Variants in RRP7A observed in about 807,000 individuals in gnomAD.
RRP7A encodes the protein ribosomal RNA-processing protein 7 homolog A.
Under a neutral mutation model 38.4 loss-of-function variants are expected in RRP7A, and 27 were observed. That is an observed-to-expected ratio of 0.70 (90% CI 0.52 to 0.97). The LOEUF (loss-of-function observed/expected upper bound fraction) is 0.97. Ranked by LOEUF, RRP7A falls within the 50% of genes least tolerant of loss-of-function variation. RRP7A has a pLI of 0.00. For missense variants in RRP7A, 327 were observed against 375.4 expected (o/e 0.87, Z 1.07); for synonymous variants, 124 against 150.3 (o/e 0.83, Z 1.28).
In RRP7A at chr22:42,509,879, G is replaced by C. The variant is rs1932398433; in HGVS notation, c.*3031C>G. The C allele has an allele frequency of 1.3e-5, 2 of 151,156 alleles. No homozygotes were observed. The highest frequency in any genetic ancestry group is 1.3e-4 in the Admixed American group (2 of 15,100). The allele number at this position is 151,156 out of a possible 1,614,324, so 9.4% of individuals were successfully genotyped here. ...TGTGTGTGTGTGTGTAAGCTCAGAG[G>C]TTTGCGATTTCTTTGGGGGTGATGA... On this transcript the variant is annotated 3_prime_UTR_variant, in exon 7 of 7. Transcript: ENST00000323013.
chr22:42,508,853 A>T lies in RRP7A; in HGVS notation c.*4057T>A, dbSNP rs1474880730. On this transcript the variant is annotated 3_prime_UTR_variant, in exon 7 of 7. Transcript: ENST00000323013. ...TTGGAGAGGGCAGGAGTCTCTGGCC[A>T]CCAGGGGCTAAAGAGCCTTCGATGA... Among the ~76,000 whole-genome samples, 1 of 152,208 alleles carries T rather than the reference A, an allele frequency of 6.6e-6. No individual in the cohort carries two copies. The highest frequency in any genetic ancestry group is 1.5e-5 in the Non-Finnish European group (1 of 68,024).
chr22:42,517,647 G>C (rs962530419), intron 2 of RRP7A, among the ~76,000 whole-genome samples: 1 of 152,088 alleles, frequency 6.6e-6, no homozygotes, highest in African/African-American at 2.4e-5. Context: ...AGCTTCCCTA[G>C]TAGCCAGGAC....
intron 6 of RRP7A, 51 bp downstream of exon 6, chr22:42,514,055 G>C (rs541622871): frequency 1.3e-6 from 2 of 1,551,994 alleles, no homozygotes; most frequent in Middle Eastern, 1.9e-4. Flanking sequence ...GGCCTCATCC[G>C]TGGCTGGGGC....
rs1223576527 is a variant in RRP7A at position 42,512,222 on chromosome 22, C to A, written c.*688G>T. On this transcript the variant is annotated 3_prime_UTR_variant, in exon 7 of 7. Transcript: ENST00000323013. The stretch of plus-strand genomic sequence containing the variant: ...CCTTCTTACAGTGCACACACACGCT[C>A]CCAGCCCAGCTGTAGCTCTGGGCCT... 1.9e-6 allele frequency: 3 copies of A among 1,613,028 alleles called. No individual in the cohort carries two copies. The highest frequency in any genetic ancestry group is 3.3e-5 in the Admixed American group (2 of 59,968).
At position 42,509,786 on chromosome 22, in the gene RRP7A, C is replaced by T. The variant is rs567494315; in HGVS notation, c.*3124G>A. 1.4e-4 allele frequency among the ~76,000 whole-genome samples: 17 copies of T among 118,484 alleles called. No homozygotes were observed. The highest frequency in any genetic ancestry group is 3.4e-4 in the Admixed American group (3 of 8,884). 77.7% of individuals were successfully genotyped at this position (118,484 alleles called of 152,430 possible). A position where few individuals can be genotyped will look rare whatever the true frequency, so the allele number is the denominator to read the frequency against. Reference sequence around the variant, plus strand: ...CACGTTCAAGTCCAAATAGGACACACGGCAGAGACAAAGCCAGGTCATGGT... The same window carrying T: ...CACGTTCAAGTCCAAATAGGACACATGGCAGAGACAAAGCCAGGTCATGGT... On this transcript the variant is annotated 3_prime_UTR_variant, in exon 7 of 7. Coordinates refer to ENST00000323013, the MANE Select transcript of RRP7A (RefSeq NM_015703.5).
At position 42,512,334 on chromosome 22, in the gene RRP7A, A is replaced by G; in HGVS notation, c.*576T>C. 1 of 1,042,552 alleles carries G rather than the reference A, an allele frequency of 9.6e-7. No homozygotes were observed. Among genetic ancestry groups the G allele is most frequent in the Non-Finnish European group, 1.5e-6 (1 of 683,352 alleles). 64.6% of individuals were successfully genotyped at this position (1,042,552 alleles called of 1,614,324 possible). On this transcript the variant is annotated 3_prime_UTR_variant, in exon 7 of 7. Coordinates refer to ENST00000323013, the MANE Select transcript of RRP7A (RefSeq NM_015703.5). ...CAACAAGGCCAGGGATGGTGGGGAC[A>G]GGCCTCACTAGTCTTGAGGCCCAGC... is the stretch of plus-strand genomic sequence containing the variant.
chr22:42,517,668 T>C (rs1920934358), intron 2 of RRP7A, among the ~76,000 whole-genome samples: 1 of 151,674 alleles, frequency 6.6e-6, no homozygotes, highest in Non-Finnish European at 1.5e-5. Flanking sequence ...TACCCACACA[T>C]GCCATCATGC....
chr22:42,511,874 G>C lies in RRP7A; in HGVS notation c.*1036C>G, dbSNP rs1932474854. 3.5e-6 allele frequency: 2 copies of C among 565,020 alleles called. No individual in the cohort carries two copies. The highest frequency in any genetic ancestry group is 6.5e-6 in the Non-Finnish European group (2 of 309,776). The allele number at this position is 565,020 out of a possible 1,614,324, so 35.0% of individuals were successfully genotyped here. ...CTCGGCCCTGCCCTGTCCCTGCCAT[G>C]CAACTTCACAACTCAGCTGGCCTAG... On this transcript the variant is annotated 3_prime_UTR_variant, in exon 7 of 7. Coordinates refer to ENST00000323013, the MANE Select transcript of RRP7A (RefSeq NM_015703.5).
intron 1 of RRP7A, 105 bp downstream of exon 1, chr22:42,519,609 A>C (rs1601809494): frequency 9.8e-7 from 1 of 1,019,464 alleles, no homozygotes; most frequent in Non-Finnish European, 1.3e-6. Context: ...CGGGGCTCAC[A>C]CCCAACCGTG....
In RRP7A at chr22:42,508,641, G is replaced by A. The variant is rs1324082665; in HGVS notation, c.*4269C>T. Among the ~76,000 whole-genome samples the A allele has an allele frequency of 6.6e-6, 1 of 152,220 alleles. No homozygotes were observed. The highest frequency in any genetic ancestry group is 1.5e-5 in the Non-Finnish European group (1 of 68,042). The stretch of plus-strand genomic sequence containing the variant: ...CTGTCCCAGGCTGGCAGGGGACAGC[G>A]TGAGGTGCAGCCTATGGACTGGGAA... On this transcript the variant is annotated 3_prime_UTR_variant, in exon 7 of 7. Coordinates refer to ENST00000323013, the MANE Select transcript of RRP7A (RefSeq NM_015703.5).
chr22:42,511,284 C>G lies in RRP7A; in HGVS notation c.*1626G>C, dbSNP rs1361974773. 2 of 152,252 alleles carry G rather than the reference C, an allele frequency of 1.3e-5. No homozygotes were observed. The highest frequency in any genetic ancestry group is 3.9e-4 in the East Asian group (2 of 5,192). The allele number at this position is 152,252 out of a possible 1,614,324, so 9.4% of individuals were successfully genotyped here. A position where few individuals can be genotyped will look rare whatever the true frequency, so the allele number is the denominator to read the frequency against. ...CTCCACCTCCCGGGTTCAAGCGACT[C>G]TCGTGCCTCAGCCTCCTGAGTAGCT... On this transcript the variant is annotated 3_prime_UTR_variant, in exon 7 of 7. Transcript: ENST00000323013.
chr22:42,514,632 C>A (rs1212673664), intron 5 of RRP7A, 50 bp downstream of exon 5: 1 of 1,528,382 alleles, frequency 6.5e-7, no homozygotes, highest in African/African-American at 1.4e-5. Context: ...GCCACCTTCC[C>A]ACAGCCACAC....
intron 3 of RRP7A, among the ~76,000 whole-genome samples, chr22:42,515,514 GCTT>G (rs1301876276): frequency 6.6e-6 from 1 of 152,254 alleles, no homozygotes; most frequent in Non-Finnish European, 1.5e-5. Flanking sequence ...GGATACAGAG[GCTT>G]CTTTTCTTCC....
At position 42,514,234 on chromosome 22, in the gene RRP7A, C is replaced by T. The variant is rs763250124; in HGVS notation, c.629G>A (p.Gly210Asp). 3.1e-6 allele frequency: 5 copies of T among 1,606,274 alleles called. No individual in the cohort carries two copies. Among genetic ancestry groups the T allele is most frequent in the Admixed American group, 3.4e-5 (2 of 59,456 alleles). Reference protein sequence around the residue: ...EEGWVKVTRRGRRPVLPRTEA... With the variant: ...EEGWVKVTRRDRRPVLPRTEA... ...AGTCCGGGGGAGCACAGGCCGCCGG[C>T]CCCGGCGGGTCACCTTCACCCAGCC... is the stretch of plus-strand genomic sequence containing the variant. Residue 210 changes from glycine to aspartate, a missense_variant, in exon 6 of 7, where the codon GGC becomes GAC. Gly to Asp is a moderately conservative substitution (Grantham distance 94). Transcript: ENST00000323013.
chr22:42,512,366 T>G lies in RRP7A; in HGVS notation c.*544A>C. ...ACTAGTCTTGAGGCCCAGCCTAGGA[T>G]GGTAGTCAGGGGAAGGAGCGAGATT... On this transcript the variant is annotated 3_prime_UTR_variant, in exon 7 of 7. Coordinates refer to ENST00000323013, the MANE Select transcript of RRP7A (RefSeq NM_015703.5). 5 of 780,714 alleles carry G rather than the reference T, an allele frequency of 6.4e-6. No individual in the cohort carries two copies. In the South Asian group the frequency reaches 6.5e-5, roughly 10 times the overall value. The allele number at this position is 780,714 out of a possible 1,614,324, so 48.4% of individuals were successfully genotyped here. A position where few individuals can be genotyped will look rare whatever the true frequency, so the allele number is the denominator to read the frequency against.
rs377140194 is a variant in RRP7A, at chr22:42,512,861, G to A, written c.*49C>T. On this transcript the variant is annotated 3_prime_UTR_variant, in exon 7 of 7. Transcript: ENST00000323013. The stretch of plus-strand genomic sequence containing the variant: ...CAGAGACCGCTGCAGGCCCTGCCTC[G>A]CCTCCTCCTGGCCCTGCACCTCCAG... 2.5e-5 allele frequency: 39 copies of A among 1,566,440 alleles called. No individual in the cohort carries two copies. Among genetic ancestry groups the A allele is most frequent in the African/African-American group, 1.6e-4 (12 of 73,794 alleles).
In RRP7A at chr22:42,512,976, C is replaced by G. The variant is rs376375797; in HGVS notation, c.777G>C (p.Lys259Asn). ...SKMEHLAQLR[K>N]KFEEDKQRIE... ...TCCTCTGCTTGTCCTCCTCGAACTT[C>G]TTGCGCAGCTGCGCTAGATCTGGGG... The change falls in exon 7 of 7, where the codon AAG becomes AAC. Residue 259 changes from lysine to asparagine, a missense_variant. By Grantham distance (94) the Lys-to-Asn change is moderately conservative (BLOSUM62 0). Coordinates refer to ENST00000323013, the MANE Select transcript of RRP7A (RefSeq NM_015703.5). 17 of 1,613,012 alleles carry G rather than the reference C, an allele frequency of 1.1e-5. No individual in the cohort carries two copies. The highest frequency in any genetic ancestry group is 1.3e-5 in the Non-Finnish European group (15 of 1,179,604).
At chr22:42,513,087 G>A in intron 6 of RRP7A, 92 bp from the exon 7 acceptor site, 3 of 1,059,344 alleles carry the variant, frequency 2.8e-6, no homozygotes, top group Non-Finnish European at 4.3e-6. Flanking sequence ...CAGTTACTGT[G>A]GGGGTGGGGC....
In RRP7A at chr22:42,509,763, C is replaced by T. The variant is rs976973404; in HGVS notation, c.*3147G>A. Among the ~76,000 whole-genome samples the T allele has an allele frequency of 1.4e-4, 19 of 140,660 alleles. No homozygotes were observed. The highest frequency in any genetic ancestry group is 3.2e-4 in the Admixed American group (4 of 12,482). 92.3% of individuals were successfully genotyped at this position (140,660 alleles called of 152,430 possible). A position where few individuals can be genotyped will look rare whatever the true frequency, so the allele number is the denominator to read the frequency against. ...TCTACGTGTTGTATGGCTGCATTCA[C>T]GTTCAAGTCCAAATAGGACACACGG... On this transcript the variant is annotated 3_prime_UTR_variant, in exon 7 of 7. Transcript: ENST00000323013.
Sources: gnomAD v4.1 joint callset for allele counts (sites outside exome capture counted in the v4.1 genomes callset) on GRCh38, gnomAD v4.1.1 for gene constraint, MANE v1.5 for transcripts, NCBI Gene and HGNC (gene_info 2026-07-23, HGNC 2026-07-21) for gene names.